The following SH3KBP1 variants were observed in gnomAD, a reference collection of about 807,000 sequenced individuals.
The protein encoded by SH3KBP1 is SH3 domain containing kinase binding protein 1.
SH3KBP1 carries 8 observed loss-of-function variants against 50.1 expected under a neutral mutation model. That is an observed-to-expected ratio of 0.16 (90% CI 0.09 to 0.29). The LOEUF (loss-of-function observed/expected upper bound fraction) is 0.29, where lower values mean the gene tolerates loss of function less well. Among genes scored for constraint, SH3KBP1 ranks in the 10% least tolerant of loss-of-function variants. SH3KBP1 has a pLI of 1.00. For synonymous variants in SH3KBP1, 227 were observed against 218.6 expected (o/e 1.04, Z -0.34); for missense variants, 377 against 535.2 (o/e 0.70, Z 2.92).
rs1176254301 is a variant in SH3KBP1, at chrX:19,655,798, ATG to A, written c.727-10325_727-10324del. ...ATATACCCATGTAACAAACCTGCAC[ATG>A]TACCCCCGACCCTAAAATTAAAAAG... is the stretch of plus-strand genomic sequence containing the variant. On this transcript the variant is annotated intron_variant, in intron 6 of 17. Transcript: ENST00000397821. Among the ~76,000 whole-genome samples, 3 of 111,500 alleles carry A rather than the reference ATG, an allele frequency of 2.7e-5. No homozygotes were observed. The East Asian group carries it at 8.4e-4, about 31-fold the overall frequency.
At chrX:19,635,255 T>C (rs956224459) in intron 7 of SH3KBP1, among the ~76,000 whole-genome samples, 21 of 111,610 alleles carry the variant, frequency 1.9e-4, no homozygotes, top group Non-Finnish European at 3.4e-4. Flanking sequence ...AGGAATGAGA[T>C]CATGTCCTTT....
chrX:19,796,972 C>T (rs1296095296), intron 2 of SH3KBP1, among the ~76,000 whole-genome samples: 12 of 112,006 alleles, frequency 1.1e-4, no homozygotes, highest in Admixed American at 2.8e-4. Context: ...AGTAATTCAC[C>T]GTGTTAATTA....
At chrX:19,726,016 A>G (rs1319844362) in intron 3 of SH3KBP1, among the ~76,000 whole-genome samples, 1 of 111,911 alleles carries the variant, frequency 8.9e-6, no homozygotes, top group Non-Finnish European at 1.9e-5. Flanking sequence ...GCCAGCCTAG[A>G]GGTTGGGCTT....
At chrX:19,552,263 C>T (rs1270406464) in intron 13 of SH3KBP1, among the ~76,000 whole-genome samples, 1 of 111,767 alleles carries the variant, frequency 8.9e-6, no homozygotes, top group East Asian at 2.8e-4. Flanking sequence ...CACAAATATC[C>T]TTGCATGTAC....
At chrX:19,657,996 G>A (rs1240732034) in intron 6 of SH3KBP1, among the ~76,000 whole-genome samples, 1 of 110,728 alleles carries the variant, frequency 9.0e-6, no homozygotes, top group East Asian at 2.8e-4. Context: ...TGGTGGTGAT[G>A]GTTGCACAGC....
chrX:19,662,708 T>C (rs956663583), intron 6 of SH3KBP1, among the ~76,000 whole-genome samples: 6 of 111,724 alleles, frequency 5.4e-5, no homozygotes, highest in African/African-American at 1.9e-4. Flanking sequence ...TATATCATAA[T>C]TTTAAAATTA....
intron 3 of SH3KBP1, among the ~76,000 whole-genome samples, chrX:19,745,255 A>G (rs951854812): frequency 8.9e-6 from 1 of 112,649 alleles, no homozygotes; most frequent in Non-Finnish European, 1.9e-5. Flanking sequence ...AAAATCCTAT[A>G]GCTGCTAACC....
intron 4 of SH3KBP1, among the ~76,000 whole-genome samples, chrX:19,696,839 T>G (rs1005363085): frequency 4.5e-5 from 5 of 112,200 alleles, no homozygotes; most frequent in Non-Finnish European, 9.4e-5. Flanking sequence ...ACAGACAGTC[T>G]CCAATTTACA....
At chrX:19,781,877 A>G (rs1569469756) in intron 2 of SH3KBP1, among the ~76,000 whole-genome samples, 1 of 111,813 alleles carries the variant, frequency 8.9e-6, no homozygotes, top group Non-Finnish European at 1.9e-5. Context: ...GCCTCAATAA[A>G]GTTACTTTCT....
intron 1 of SH3KBP1, among the ~76,000 whole-genome samples, chrX:19,846,618 G>A (rs911384112): frequency 1.3e-4 from 15 of 111,600 alleles, no homozygotes; most frequent in Admixed American, 3.8e-4. Flanking sequence ...AAGGTTGTGG[G>A]CTAACCTGAA....
intron 6 of SH3KBP1, among the ~76,000 whole-genome samples, chrX:19,666,124 T>TAAAA (rs11382341): frequency 3.2e-5 from 3 of 93,014 alleles, no homozygotes; most frequent in African/African-American, 1.2e-4. Flanking sequence ...AAATAATTTG[T>TAAAA]AAAAAAAAAA....
intron 5 of SH3KBP1, among the ~76,000 whole-genome samples, chrX:19,687,101 T>G (rs2148605932): frequency 8.8e-6 from 1 of 113,010 alleles, no homozygotes; most frequent in Admixed American, 9.3e-5. Context: ...CCAAAAAAAG[T>G]CTGCCATGTG....
At chrX:19,748,346 G>T (rs771103288) in intron 2 of SH3KBP1, among the ~76,000 whole-genome samples, 8 of 111,792 alleles carry the variant, frequency 7.2e-5, no homozygotes, top group Non-Finnish European at 1.3e-4. Context: ...CGCCAGCATT[G>T]TGAGGCTGGG....
At chrX:19,832,736 G>C (rs1304316589) in intron 2 of SH3KBP1, among the ~76,000 whole-genome samples, 1 of 111,984 alleles carries the variant, frequency 8.9e-6, no homozygotes, top group Non-Finnish European at 1.9e-5. Context: ...CACAGGACAG[G>C]AGCCTGCTGC....
At chrX:19,707,368 T>C (rs921970701) in intron 3 of SH3KBP1, among the ~76,000 whole-genome samples, 1 of 112,177 alleles carries the variant, frequency 8.9e-6, no homozygotes, top group Non-Finnish European at 1.9e-5. Context: ...AAGAATGGTC[T>C]GCTTCTAATG....
chrX:19,832,868 C>T (rs181990235), intron 2 of SH3KBP1, among the ~76,000 whole-genome samples: 1 of 112,117 alleles, frequency 8.9e-6, no homozygotes, highest in Admixed American at 9.4e-5. Context: ...GGTCAGGTTC[C>T]AGCTCTCGCG....
chrX:19,760,548 T>C (rs2065389820), intron 2 of SH3KBP1, among the ~76,000 whole-genome samples: 1 of 108,317 alleles, frequency 9.2e-6, no homozygotes, highest in African/African-American at 3.4e-5. Context: ...CCTGTAACCA[T>C]GGTTACATGC....
At chrX:19,580,144 G>A (rs1462903429) in intron 12 of SH3KBP1, among the ~76,000 whole-genome samples, 1 of 111,241 alleles carries the variant, frequency 9.0e-6, no homozygotes, top group Admixed American at 9.5e-5. Context: ...AGTGTGCCTG[G>A]CCCCAAAGCC....
At chrX:19,636,334 A>G (rs1438005093) in intron 7 of SH3KBP1, among the ~76,000 whole-genome samples, 1 of 104,586 alleles carries the variant, frequency 9.6e-6, no homozygotes, top group Non-Finnish European at 2.0e-5. Context: ...CTCTTTCCAG[A>G]AAAAAAAAAA....
Sources: gnomAD v4.1 joint callset for allele counts (sites outside exome capture counted in the v4.1 genomes callset) on GRCh38, gnomAD v4.1.1 for gene constraint, MANE v1.5 for transcripts, NCBI Gene and HGNC (gene_info 2026-07-23, HGNC 2026-07-21) for gene names.